Variants in DIP2C observed in about 807,000 individuals in gnomAD.
The protein encoded by DIP2C is disco-interacting protein 2 homolog C.
In DIP2C, 33 loss-of-function variants were observed where a neutral mutation model predicts 192.4. The observed-to-expected ratio is 0.17, with a 90% CI of 0.13 to 0.23. DIP2C has a LOEUF of 0.23. Ranked by LOEUF, DIP2C falls within the 10% of genes least tolerant of loss-of-function variation. The pLI is 1.00. For synonymous variants in DIP2C, 979 were observed against 864.1 expected, an observed-to-expected ratio of 1.13 and a Z score of -2.33; for missense variants, 1,537 against 2,110.1, an observed-to-expected ratio of 0.73 and a Z score of 5.32.
At chr10:417,606 A>C (rs371574848) in intron 6 of DIP2C, among the ~76,000 whole-genome samples, 2,377 of 143,736 alleles carry the variant, frequency 0.017, 33 homozygotes, top group Middle Eastern at 0.049. Flanking sequence ...TAGGATAGGC[A>C]TCCCTGTCTG....
chr10:331,012 C>T (rs913278410), intron 29 of DIP2C, among the ~76,000 whole-genome samples: 6 of 131,600 alleles, frequency 4.6e-5, no homozygotes, highest in Non-Finnish European at 7.9e-5. Context: ...GATACGGTTT[C>T]GTATTGTTGC....
rs536090999 is a variant in DIP2C, at chr10:318,843, CTTA to C, written c.3924+8160_3924+8162del. ...ACTGAGAGCTCAAGTTAATGAAAGTCTTATTATTACAACTATTTATTTTGAGAA... is the reference window on the plus strand; with the variant it reads ...ACTGAGAGCTCAAGTTAATGAAAGTCTTATTACAACTATTTATTTTGAGAA... On this transcript the variant is annotated intron_variant, in intron 31 of 36. Transcript: ENST00000280886. 2.6e-5 allele frequency among the ~76,000 whole-genome samples: 4 copies of C among 152,060 alleles called. No individual in the cohort carries two copies. The South Asian group carries it at 6.3e-4, about 24-fold the overall frequency.
At chr10:500,276 T>C (rs527601422) in intron 1 of DIP2C, among the ~76,000 whole-genome samples, 2 of 152,378 alleles carry the variant, frequency 1.3e-5, no homozygotes, top group South Asian at 4.1e-4. Context: ...CATGGCTACT[T>C]CTGTGTTCTC....
At chr10:337,404 GTAGCT>G (rs1564575723) in intron 29 of DIP2C, among the ~76,000 whole-genome samples, 2 of 144,200 alleles carry the variant, frequency 1.4e-5, no homozygotes, top group African/African-American at 5.2e-5. Flanking sequence ...GGAGGCCTAC[GTAGCT>G]GTGTGTGTGT....
intron 1 of DIP2C, among the ~76,000 whole-genome samples, chr10:511,906 T>C (rs1846036519): frequency 6.6e-6 from 1 of 152,266 alleles, no homozygotes; most frequent in East Asian, 1.9e-4. Context: ...ATCTGTCCTT[T>C]ACTGTCTGTT....
In DIP2C at chr10:500,984, G is replaced by A. The variant is rs112251637; in HGVS notation, c.86-14454C>T. ...GGCCTGAGGTTTTCTTTTGGAGAGC[G>A]GAGGGGGCAAATGACCTACCAGAAG... On this transcript the variant is annotated intron_variant, in intron 1 of 36. Transcript: ENST00000280886. 8.1e-3 allele frequency among the ~76,000 whole-genome samples: 1,233 copies of A among 152,270 alleles called. 15 individuals carry two copies. Among genetic ancestry groups the A allele is most frequent in the African/African-American group, 0.028 (1,165 of 41,544 alleles).
intron 1 of DIP2C, among the ~76,000 whole-genome samples, chr10:514,281 C>T (rs985865867): frequency 3.3e-5 from 5 of 152,140 alleles, no homozygotes; most frequent in Non-Finnish European, 4.4e-5. Flanking sequence ...TCGTTCAATA[C>T]GTCAAGCTTG....
chr10:484,313 T>A (rs1447580294), intron 2 of DIP2C, among the ~76,000 whole-genome samples: 1 of 152,210 alleles, frequency 6.6e-6, no homozygotes, highest in African/African-American at 2.4e-5. Context: ...TACTCTATGA[T>A]TAACTGCTTT....
At position 399,192 on chromosome 10, in the gene DIP2C, G is replaced by A; in HGVS notation, c.1177C>T (p.Pro393Ser). ...TAGAAAGCCGCCATGAAGGCAGCCG[G>A]ATCATTGTTGGGGAACACCAGTGCC... ...RVALVFPNND[P>S]AAFMAAFYGC... Residue 393 changes from proline (P) to serine (S), a missense_variant, in exon 10 of 37, where the codon CCG (proline) becomes TCG (serine). Transcript: ENST00000280886. The A allele has an allele frequency of 6.2e-7, 1 of 1,614,094 alleles. No individual in the cohort carries two copies. Among genetic ancestry groups the A allele is most frequent in the Non-Finnish European group, 8.5e-7 (1 of 1,180,048 alleles).
intron 31 of DIP2C, among the ~76,000 whole-genome samples, chr10:323,747 T>C (rs1328992942): frequency 6.6e-6 from 1 of 152,198 alleles, no homozygotes; most frequent in Non-Finnish European, 1.5e-5. Flanking sequence ...GAAAAATAAA[T>C]TCAATGTATA....
chr10:662,274 T>C (rs538633508), intron 1 of DIP2C, among the ~76,000 whole-genome samples: 58 of 152,380 alleles, frequency 3.8e-4, no homozygotes, highest in African/African-American at 1.3e-3. Context: ...ACCTATGCAC[T>C]TTCCAAACGC....
intron 1 of DIP2C, among the ~76,000 whole-genome samples, chr10:579,356 G>A (rs933872421): frequency 5.3e-5 from 8 of 151,312 alleles, no homozygotes; most frequent in Non-Finnish European, 1.0e-4. Flanking sequence ...ACACCCAAAT[G>A]TAGTGTACAA....
intron 17 of DIP2C, among the ~76,000 whole-genome samples, chr10:381,640 C>T (rs1162049979): frequency 2.6e-5 from 4 of 152,228 alleles, no homozygotes; most frequent in Non-Finnish European, 5.9e-5. Flanking sequence ...GGGAGGGAGA[C>T]ACGTCCTGCT....
At chr10:657,858 C>T (rs1856478982) in intron 1 of DIP2C, among the ~76,000 whole-genome samples, 1 of 151,738 alleles carries the variant, frequency 6.6e-6, no homozygotes, top group African/African-American at 2.4e-5. Context: ...TGCCGCTGGA[C>T]CTGATGCTGG....
At chr10:574,757 A>C (rs1850047747) in intron 1 of DIP2C, among the ~76,000 whole-genome samples, 1 of 152,232 alleles carries the variant, frequency 6.6e-6, no homozygotes, top group African/African-American at 2.4e-5. Flanking sequence ...CCAAACACTC[A>C]ATGCTGCCAC....
At position 652,807 on chromosome 10, in the gene DIP2C, A is replaced by T. The variant is rs930340614; in HGVS notation, c.85+36687T>A. 7.2e-5 allele frequency among the ~76,000 whole-genome samples: 11 copies of T among 151,744 alleles called. No homozygotes were observed. Among genetic ancestry groups the T allele is most frequent in the Non-Finnish European group, 1.5e-4 (10 of 67,928 alleles). ...AGTGATTTTTTTTTTTTTAAACAGA[A>T]ATGGCACCAGGGCAGATGATGATTT... On this transcript the variant is annotated intron_variant, in intron 1 of 36. Transcript: ENST00000280886. The surrounding 1 kb of genome is among the most constrained non-coding windows in gnomAD (Gnocchi z 4.5).
intron 1 of DIP2C, among the ~76,000 whole-genome samples, chr10:628,188 TCTTCGTCACATTG>T (rs1438687705): frequency 2.0e-5 from 3 of 152,144 alleles, no homozygotes; most frequent in Non-Finnish European, 4.4e-5. Flanking sequence ...AAACCAGTGC[TCTTCGTCACATTG>T]CTGACCTACC....
At chr10:650,424 GACA>G (rs922675848) in intron 1 of DIP2C, 3 of 712,960 alleles carry the variant, frequency 4.2e-6, no homozygotes, top group African/African-American at 3.5e-5. Context: ...AACGCAGGCC[GACA>G]ACATCTTCAT....
rs1491049107 is a variant in DIP2C, at chr10:275,490, T to TTA, written c.*1833_*1834dup. ...TGCCACTTTTTTTTTTTTTTTTTTTTTAACAACAATCAGCCTTGGATCTCA... is the reference window on the plus strand; with the variant it reads ...TGCCACTTTTTTTTTTTTTTTTTTTTTATAACAACAATCAGCCTTGGATCTCA... On this transcript the variant is annotated 3_prime_UTR_variant, in exon 37 of 37. Transcript: ENST00000280886. 2.1e-5 allele frequency: 3 copies of TTA among 139,728 alleles called. No individual in the cohort carries two copies. The South Asian group carries it at 7.1e-4, about 33-fold the overall frequency. The allele number at this position is 139,728 out of a possible 1,614,324, so 8.7% of individuals were successfully genotyped here.
Sources: allele counts gnomAD v4.1 joint callset (sites outside exome capture counted in the v4.1 genomes callset), GRCh38; gene constraint gnomAD v4.1.1; non-coding constraint Gnocchi (gnomAD v3.1); transcripts MANE v1.5; gene names NCBI Gene and HGNC (gene_info 2026-07-23, HGNC 2026-07-21).